The following EYS variants were observed in gnomAD, a reference collection of about 807,000 sequenced individuals.
EYS encodes protein eyes shut homolog.
EYS carries 250 observed loss-of-function variants against 282.1 expected under a neutral mutation model. The observed-to-expected ratio is 0.89, with a 90% CI of 0.80 to 0.98. The LOEUF (loss-of-function observed/expected upper bound fraction) is 0.98. Among genes scored for constraint, EYS ranks in the 50% least tolerant of loss-of-function variants. The probability of loss-of-function intolerance (pLI) is 0.00; values close to 1 mark genes in which losing one functional copy is unlikely to be tolerated. For synonymous variants in EYS, 1,355 were observed against 1,282.9 expected, an observed-to-expected ratio of 1.06 and a Z score of -1.20; for missense variants, 4,016 against 3,709.0, an observed-to-expected ratio of 1.08 and a Z score of -2.15.
At chr6:64,742,785 G>C (rs1772419120) in intron 22 of EYS, among the ~76,000 whole-genome samples, 1 of 152,098 alleles carries the variant, frequency 6.6e-6, no homozygotes, top group Admixed American at 6.5e-5. Context: ...ACTCCCCTGA[G>C]AATTTCAGGA....
At chr6:65,213,290 A>G (rs1766220663) in intron 12 of EYS, among the ~76,000 whole-genome samples, 2 of 152,200 alleles carry the variant, frequency 1.3e-5, no homozygotes, top group Admixed American at 1.3e-4. Context: ...GCTGAATCCC[A>G]GCGGTGACCT....
At chr6:65,554,551 C>A (rs1489287760) in intron 2 of EYS, among the ~76,000 whole-genome samples, 1 of 152,060 alleles carries the variant, frequency 6.6e-6, no homozygotes, top group Non-Finnish European at 1.5e-5. Flanking sequence ...TCATTGTATG[C>A]CATATTTGCC....
intron 11 of EYS, among the ~76,000 whole-genome samples, chr6:65,322,605 G>A (rs183357868): frequency 0.011 from 1,625 of 151,974 alleles, 27 homozygotes; most frequent in African/African-American, 0.037. Context: ...GACCATCCTG[G>A]CCAACATGGT....
chr6:65,405,174 A>G lies in EYS; in HGVS notation c.1056T>C (p.Asn352=). 6.2e-7 allele frequency: 1 copy of G among 1,609,108 alleles called. No individual in the cohort carries two copies. Among genetic ancestry groups the G allele is most frequent in the Non-Finnish European group, 8.5e-7 (1 of 1,175,886 alleles). Reference sequence around the variant, plus strand: ...ACTTATATGTTAGATTGAGACTTACATTTGATATTTTGATGCAGTCAGTAC... The same window carrying G: ...ACTTATATGTTAGATTGAGACTTACGTTTGATATTTTGATGCAGTCAGTAC... The part of the protein sequence containing the change: ...QNGTDCIKIS[N]DVMCICSPIF... The change falls in exon 6 of 43, where the codon AAT becomes AAC. Residue 352 remains asparagine (N), a splice_region_variant and synonymous_variant. Transcript: ENST00000503581.
At chr6:64,145,775 T>C (rs1182218068) in intron 31 of EYS, among the ~76,000 whole-genome samples, 1 of 152,138 alleles carries the variant, frequency 6.6e-6, no homozygotes, top group African/African-American at 2.4e-5. Context: ...AATAGTACCA[T>C]AGGAAGATCT....
intron 22 of EYS, among the ~76,000 whole-genome samples, chr6:64,646,088 A>G (rs1351520423): frequency 2.0e-5 from 3 of 152,230 alleles, no homozygotes; most frequent in Admixed American, 6.5e-5. Flanking sequence ...CAGGGTAGCT[A>G]CACTTCTTGT....
intron 12 of EYS, among the ~76,000 whole-genome samples, chr6:65,094,988 TA>T (rs200227284): frequency 1.3e-5 from 2 of 150,286 alleles, no homozygotes; most frequent in East Asian, 1.9e-4. Flanking sequence ...CTACTCAAAA[TA>T]AAAAAAATAG....
intron 22 of EYS, among the ~76,000 whole-genome samples, chr6:64,734,124 G>GGA (rs1772081405): frequency 6.8e-6 from 1 of 147,580 alleles, no homozygotes; most frequent in African/African-American, 2.5e-5. Flanking sequence ...TATTTTAAGG[G>GGA]AAAAAAAAAA....
At chr6:65,024,982 A>C (rs538771190) in intron 13 of EYS, among the ~76,000 whole-genome samples, 1 of 152,342 alleles carries the variant, frequency 6.6e-6, no homozygotes, top group East Asian at 1.9e-4. Context: ...ATAGAAGCAG[A>C]TAAATACCTC....
chr6:64,471,260 G>A (rs1234153396), intron 26 of EYS, among the ~76,000 whole-genome samples: 3 of 151,930 alleles, frequency 2.0e-5, no homozygotes, highest in Non-Finnish European at 4.4e-5. Flanking sequence ...AGACAAGAAC[G>A]AAAAATAAAA....
intron 2 of EYS, among the ~76,000 whole-genome samples, chr6:65,623,675 T>C (rs986446988): frequency 6.6e-5 from 10 of 152,220 alleles, no homozygotes; most frequent in Non-Finnish European, 1.5e-5. Flanking sequence ...GAGTCTTGAG[T>C]ATGTACATAT....
At chr6:64,293,536 T>C (rs754348418) in intron 30 of EYS, among the ~76,000 whole-genome samples, 2 of 152,068 alleles carry the variant, frequency 1.3e-5, no homozygotes, top group African/African-American at 2.4e-5. Context: ...CAGGGTAACA[T>C]AACATTTAGT....
At chr6:65,568,836 A>C (rs936368810) in intron 2 of EYS, among the ~76,000 whole-genome samples, 1 of 152,214 alleles carries the variant, frequency 6.6e-6, no homozygotes, top group Non-Finnish European at 1.5e-5. Context: ...TATAAAAAAC[A>C]CTGATGAAAC....
rs71002309 is a variant in EYS, at chr6:65,479,999, CA to C, written c.862+10594del. Among the ~76,000 whole-genome samples the C allele has an allele frequency of 4.2e-3, 535 of 126,214 alleles. 2 individuals are homozygous for C. The highest frequency in any genetic ancestry group is 6.5e-3 in the African/African-American group (218 of 33,486). The allele number at this position is 126,214 out of a possible 152,430, so 82.8% of individuals were successfully genotyped here. On this transcript the variant is annotated intron_variant, in intron 5 of 42. Transcript: ENST00000503581. ...TGAAATCCTGTCTCTACTAAAAATA[CA>C]AAAAAAAAAAAAAAATTGGCTGTGC...
At chr6:64,565,191 T>G (rs1210034572) in intron 26 of EYS, among the ~76,000 whole-genome samples, 1 of 152,192 alleles carries the variant, frequency 6.6e-6, no homozygotes, top group Non-Finnish European at 1.5e-5. Flanking sequence ...CAGTTTCATT[T>G]CATGCAATCT....
At position 65,109,037 on chromosome 6, in the gene EYS, G is replaced by T. The variant is rs183897657; in HGVS notation, c.2024-51310C>A. 1.7e-4 allele frequency among the ~76,000 whole-genome samples: 26 copies of T among 151,756 alleles called. No individual in the cohort carries two copies. In the South Asian group the frequency reaches 5.4e-3, roughly 32 times the overall value. On this transcript the variant is annotated intron_variant, in intron 12 of 42. Transcript: ENST00000503581. ...ATTGTATTTTTTTTAGCTCTAGAACGTCTTTCTCCTTATCTCGCTGAGATT... is the reference window on the plus strand; with the variant it reads ...ATTGTATTTTTTTTAGCTCTAGAACTTCTTTCTCCTTATCTCGCTGAGATT...
At chr6:64,758,428 G>C (rs1583123038) in intron 22 of EYS, among the ~76,000 whole-genome samples, 1 of 152,198 alleles carries the variant, frequency 6.6e-6, no homozygotes, top group Admixed American at 6.5e-5. Flanking sequence ...CCTGGAACTT[G>C]GGTGTTTGGT....
rs192081706 is a variant in EYS at position 64,335,508 on chromosome 6, C to T, written c.6079-28426G>A. 2.9e-4 allele frequency among the ~76,000 whole-genome samples: 44 copies of T among 152,214 alleles called. No individual in the cohort carries two copies. In the East Asian group the frequency reaches 7.9e-3, roughly 27 times the overall value. On this transcript the variant is annotated intron_variant, in intron 29 of 42. Coordinates refer to ENST00000503581, the MANE Select transcript of EYS (RefSeq NM_001142800.2). ...GTTTCTTGCTTCTGTAACTCGCTTC[C>T]TGTCTCACGTAGTTCCCACCTTAAG... is the stretch of plus-strand genomic sequence containing the variant.
chr6:64,220,385 C>A (rs1484946506), intron 31 of EYS, among the ~76,000 whole-genome samples: 1 of 152,124 alleles, frequency 6.6e-6, no homozygotes, highest in East Asian at 1.9e-4. Flanking sequence ...ATATTCCCAG[C>A]CCACTGTAAT....
Sources: allele counts gnomAD v4.1 joint callset (sites outside exome capture counted in the v4.1 genomes callset), GRCh38; gene constraint gnomAD v4.1.1; transcripts MANE v1.5; gene names NCBI Gene and HGNC (gene_info 2026-07-23, HGNC 2026-07-21).